Variants in CACNA2D1 observed in about 807,000 individuals in gnomAD.
CACNA2D1 encodes calcium voltage-gated channel auxiliary subunit alpha2delta 1, also known as voltage-dependent calcium channel subunit alpha-2/delta-1.
Under a neutral mutation model 171.5 loss-of-function variants are expected in CACNA2D1, and 53 were observed. The ratio of observed to expected loss-of-function variants is 0.31; its 90% confidence interval spans 0.25 to 0.39. The LOEUF (loss-of-function observed/expected upper bound fraction) is 0.39, where lower values mean the gene tolerates loss of function less well. CACNA2D1 is among the 10% of genes least tolerant of loss of function. The probability of loss-of-function intolerance (pLI) is 1.00; values close to 1 mark genes in which losing one functional copy is unlikely to be tolerated. For missense variants in CACNA2D1, 903 were observed against 1,299.8 expected, an observed-to-expected ratio of 0.69 and a Z score of 4.69; for synonymous variants, 442 against 443.1, an observed-to-expected ratio of 1.00 and a Z score of 0.03.
chr7:82,164,243 G>C (rs1015307900), intron 4 of CACNA2D1, among the ~76,000 whole-genome samples: 1 of 151,730 alleles, frequency 6.6e-6, no homozygotes, highest in Admixed American at 6.6e-5. Context: ...TTGTATATAG[G>C]CCACTCTGGC....
At chr7:82,064,710 A>G (rs10269983) in intron 8 of CACNA2D1, among the ~76,000 whole-genome samples, 73,712 of 151,948 alleles carry the variant, frequency 0.49, 20,461 homozygotes, top group African/African-American at 0.77. Context: ...AAAATAGACT[A>G]TCATATTTTT....
chr7:81,994,161 A>G lies in CACNA2D1; in HGVS notation c.1734+707T>C, dbSNP rs188167289. On this transcript the variant is annotated intron_variant, in intron 20 of 38. Coordinates refer to ENST00000356860, the MANE Select transcript of CACNA2D1 (RefSeq NM_000722.4). ...GTTATACATAAAAGCTTAAGTTAAAATTTCCAGGCTCAAAAGCTTCTGAGA... is the reference window on the plus strand; with the variant it reads ...GTTATACATAAAAGCTTAAGTTAAAGTTTCCAGGCTCAAAAGCTTCTGAGA... Among the ~76,000 whole-genome samples, 408 of 152,252 alleles carry G rather than the reference A, an allele frequency of 2.7e-3. 3 individuals carry two copies. Among genetic ancestry groups the G allele is most frequent in the African/African-American group, 9.3e-3 (385 of 41,582 alleles).
intron 1 of CACNA2D1, among the ~76,000 whole-genome samples, chr7:82,421,940 T>A (rs149609189): frequency 6.6e-6 from 1 of 152,206 alleles, no homozygotes; most frequent in East Asian, 1.9e-4. Context: ...CATCCATTTA[T>A]ATTCCTTAAA....
At chr7:82,264,112 C>T (rs375269771) in intron 3 of CACNA2D1, among the ~76,000 whole-genome samples, 1 of 152,174 alleles carries the variant, frequency 6.6e-6, no homozygotes, top group East Asian at 1.9e-4. Flanking sequence ...ACACCCATTT[C>T]CATTTCCTTT....
intron 6 of CACNA2D1, among the ~76,000 whole-genome samples, chr7:82,106,524 A>ATT (rs79885476): frequency 0.086 from 12,957 of 150,282 alleles, 751 homozygotes; most frequent in South Asian, 0.13. Context: ...TTTCCTTTTA[A>ATT]TTTTTTTTTT....
intron 35 of CACNA2D1, 43 bp from the exon 36 acceptor site, chr7:81,962,066 G>A (rs764654400): frequency 6.2e-6 from 10 of 1,603,138 alleles, no homozygotes; most frequent in Non-Finnish European, 8.5e-6. Flanking sequence ...AACACCATTA[G>A]GAGGGGTCTC....
At chr7:82,109,952 G>A (rs536879490) in intron 6 of CACNA2D1, among the ~76,000 whole-genome samples, 3 of 152,280 alleles carry the variant, frequency 2.0e-5, no homozygotes, top group African/African-American at 4.8e-5. Context: ...AAACCCTGAT[G>A]AAGTGAATGA....
intron 30 of CACNA2D1, 81 bp downstream of exon 30, chr7:81,967,515 C>A: frequency 1.3e-6 from 1 of 748,568 alleles, no homozygotes; most frequent in East Asian, 2.7e-5. Context: ...GTATTTGCCA[C>A]TGTATAAGGA....
Position 82,094,101 on chromosome 7 carries a change from C to T in CACNA2D1, c.527-9201G>A, listed in dbSNP as rs568975471. On this transcript the variant is annotated intron_variant, in intron 6 of 38. Coordinates refer to ENST00000356860, the MANE Select transcript of CACNA2D1 (RefSeq NM_000722.4). ...CAGCTTGGTACTCAAGGGTTTGTGT[C>T]AACCAGTTTTAGAGCAAAGAGTTGC... Among the ~76,000 whole-genome samples the T allele has an allele frequency of 5.3e-5, 8 of 152,212 alleles. No homozygotes were observed. The South Asian group carries it at 1.5e-3, about 28-fold the overall frequency.
intron 1 of CACNA2D1, among the ~76,000 whole-genome samples, chr7:82,426,769 T>C (rs960133773): frequency 6.6e-6 from 1 of 152,190 alleles, no homozygotes; most frequent in African/African-American, 2.4e-5. Context: ...GGCCAATTTT[T>C]CTGAAAGGTC....
At chr7:82,139,581 G>GA (rs1222416901) in intron 4 of CACNA2D1, among the ~76,000 whole-genome samples, 10 of 152,098 alleles carry the variant, frequency 6.6e-5, no homozygotes, top group Non-Finnish European at 2.9e-5. Flanking sequence ...AACTGTCATT[G>GA]AAAAGGTGCA....
chr7:82,439,448 T>C (rs1007621739), intron 1 of CACNA2D1, among the ~76,000 whole-genome samples: 2 of 151,930 alleles, frequency 1.3e-5, no homozygotes, highest in Non-Finnish European at 2.9e-5. Context: ...TCTTATCTAT[T>C]GTCAAAATGA....
intron 1 of CACNA2D1, among the ~76,000 whole-genome samples, chr7:82,369,765 G>A (rs181663078): frequency 1.4e-3 from 206 of 148,114 alleles, no homozygotes; most frequent in Non-Finnish European, 1.5e-3. Context: ...TAAATTAAGA[G>A]TGAACATCAA....
chr7:81,962,821 T>C (rs1794300496), intron 34 of CACNA2D1, among the ~76,000 whole-genome samples: 1 of 152,068 alleles, frequency 6.6e-6, no homozygotes, highest in Non-Finnish European at 1.5e-5. Flanking sequence ...TTCACATTCA[T>C]TACGTCTCCT....
At chr7:82,435,324 A>T (rs1370667963) in intron 1 of CACNA2D1, among the ~76,000 whole-genome samples, 3 of 152,216 alleles carry the variant, frequency 2.0e-5, no homozygotes, top group East Asian at 3.9e-4. Flanking sequence ...GGTGTGAGCC[A>T]CCATGCCCGG....
At chr7:82,107,874 G>A (rs181988486) in intron 6 of CACNA2D1, among the ~76,000 whole-genome samples, 296 of 152,156 alleles carry the variant, frequency 1.9e-3, no homozygotes, top group African/African-American at 6.7e-3. Context: ...ATTAGCGTCC[G>A]CGCCCAGCCG....
intron 3 of CACNA2D1, among the ~76,000 whole-genome samples, chr7:82,204,895 C>T (rs934044245): frequency 3.9e-5 from 6 of 152,150 alleles, no homozygotes; most frequent in African/African-American, 9.7e-5. Context: ...CATGACTCAG[C>T]GAGTTTGGAG....
chr7:82,249,687 A>C (rs1382677353), intron 3 of CACNA2D1, among the ~76,000 whole-genome samples: 1 of 152,196 alleles, frequency 6.6e-6, no homozygotes, highest in Non-Finnish European at 1.5e-5. Context: ...ATAATACTGA[A>C]CCCACCTATT....
chr7:82,400,636 C>T (rs1466892569), intron 1 of CACNA2D1, among the ~76,000 whole-genome samples: 7 of 152,186 alleles, frequency 4.6e-5, no homozygotes, highest in African/African-American at 7.2e-5. Context: ...ATTCAGGACA[C>T]AGGCATGGGC....
Sources: gnomAD v4.1 joint callset for allele counts (sites outside exome capture counted in the v4.1 genomes callset) on GRCh38, gnomAD v4.1.1 for gene constraint, MANE v1.5 for transcripts, NCBI Gene and HGNC (gene_info 2026-07-23, HGNC 2026-07-21) for gene names.